The following PRUNE2 variants were observed in gnomAD, a reference collection of about 807,000 sequenced individuals.
PRUNE2 encodes protein prune homolog 2.
Under a neutral mutation model 252.0 loss-of-function variants are expected in PRUNE2, and 164 were observed. The ratio of observed to expected loss-of-function variants is 0.65; its 90% CI spans 0.57 to 0.74. The LOEUF (loss-of-function observed/expected upper bound fraction) is 0.74. Among genes scored for constraint, PRUNE2 ranks in the 30% least tolerant of loss-of-function variants. PRUNE2 has a pLI of 0.00. For missense variants in PRUNE2, 3,495 were observed against 3,711.0 expected (o/e 0.94, Z 1.51); for synonymous variants, 1,292 against 1,350.2 (o/e 0.96, Z 0.94).
intron 1 of PRUNE2, among the ~76,000 whole-genome samples, chr9:76,855,093 A>G (rs1321567890): frequency 6.9e-6 from 1 of 145,562 alleles, no homozygotes; most frequent in Non-Finnish European, 1.5e-5. Flanking sequence ...ATATATATAT[A>G]TATATATATA....
chr9:76,706,785 C>T lies in PRUNE2; in HGVS notation c.5489G>A (p.Trp1830Ter). ...LGFSADSTEW[W>*]KASPQEGRLI... ...TCTCCCTTCCTGGGGTGAGGCCTTC[C>T]ACCACTCAGTGCTATCAGCTGAGAA... The change falls in exon 8 of 19, where the codon TGG (tryptophan) becomes TAG (stop). Residue 1830 changes from tryptophan to a stop codon, truncating the protein, a stop_gained. Coordinates refer to ENST00000376718, the MANE Select transcript of PRUNE2 (RefSeq NM_015225.3). LOFTEE classifies it high-confidence loss of function. 6.2e-7 allele frequency: 1 copy of T among 1,610,430 alleles called. No homozygotes were observed.
chr9:76,701,002 T>C (rs534974169), intron 9 of PRUNE2, among the ~76,000 whole-genome samples: 2 of 152,384 alleles, frequency 1.3e-5, no homozygotes, highest in South Asian at 2.1e-4. Context: ...TTTTTACTTA[T>C]GTCTAACTCT....
At chr9:76,651,224 A>AC (rs946398980) in intron 11 of PRUNE2, among the ~76,000 whole-genome samples, 24 of 151,936 alleles carry the variant, frequency 1.6e-4, no homozygotes, top group African/African-American at 5.1e-4. Flanking sequence ...ATGGAAAAAA[A>AC]AAACTCTACT....
intron 9 of PRUNE2, among the ~76,000 whole-genome samples, chr9:76,683,925 T>C (rs760381051): frequency 2.3e-4 from 34 of 150,740 alleles, no homozygotes; most frequent in Non-Finnish European, 4.3e-4. Context: ...AAAATATATA[T>C]AGTATACATT....
intron 6 of PRUNE2, among the ~76,000 whole-genome samples, chr9:76,734,981 C>A (rs900460767): frequency 6.6e-6 from 1 of 152,098 alleles, no homozygotes; most frequent in African/African-American, 2.4e-5. Flanking sequence ...CACTGACAAA[C>A]AGAGGCAAGG....
Position 76,707,712 on chromosome 9 carries a change from C to T in PRUNE2, c.4562G>A (p.Ser1521Asn). The change falls in exon 8 of 19, where the codon AGC (serine) becomes AAC (asparagine). Residue 1521 changes from serine to asparagine, a missense_variant. Physicochemically the swap from Ser to Asn is conservative, Grantham distance 46. Transcript: ENST00000376718. ...TCCAGACGAACCGGCTCCTGGAAGG[C>T]TATTTTCAGACCCCTTAACGTCAAG... is the stretch of plus-strand genomic sequence containing the variant. ...KNLDVKGSEN[S>N]LPGAGSSGNF... The T allele has an allele frequency of 6.2e-7, 1 of 1,613,880 alleles. No individual in the cohort carries two copies. The highest frequency in any genetic ancestry group is 8.5e-7 in the Non-Finnish European group (1 of 1,179,862).
In PRUNE2 at chr9:76,612,534, T is replaced by C. The variant is rs188026588; in HGVS notation, c.*2036A>G. Reference sequence around the variant, plus strand: ...GGTAACTGTATTTACGTCAACACTGTGTTCTGGGAGAGGTGTAATTTGGGC... The same window carrying C: ...GGTAACTGTATTTACGTCAACACTGCGTTCTGGGAGAGGTGTAATTTGGGC... On this transcript the variant is annotated 3_prime_UTR_variant, in exon 19 of 19. Transcript: ENST00000376718. 3 of 152,052 alleles carry C rather than the reference T, an allele frequency of 2.0e-5. No individual in the cohort carries two copies. The highest frequency in any genetic ancestry group is 3.9e-4 in the East Asian group (2 of 5,182). 9.4% of individuals were successfully genotyped at this position (152,052 alleles called of 1,614,324 possible).
chr9:76,809,986 T>G (rs1055264979), intron 6 of PRUNE2, among the ~76,000 whole-genome samples: 22 of 152,170 alleles, frequency 1.4e-4, no homozygotes, highest in African/African-American at 5.3e-4. Context: ...AGAGCTTCAT[T>G]GTTTGGGCTT....
At chr9:76,642,627 T>C (rs961849929) in intron 12 of PRUNE2, among the ~76,000 whole-genome samples, 1 of 152,190 alleles carries the variant, frequency 6.6e-6, no homozygotes, top group African/African-American at 2.4e-5. Flanking sequence ...TGTGAAGTGA[T>C]TGCTGCTTTT....
At chr9:76,632,827 C>A (rs976388072) in intron 15 of PRUNE2, among the ~76,000 whole-genome samples, 46 of 152,332 alleles carry the variant, frequency 3.0e-4, no homozygotes, top group African/African-American at 1.1e-3. Context: ...TCCTGAGTAG[C>A]TGGAATTATA....
At chr9:76,699,638 G>A (rs1423262879) in intron 9 of PRUNE2, among the ~76,000 whole-genome samples, 3 of 152,156 alleles carry the variant, frequency 2.0e-5, no homozygotes, top group Non-Finnish European at 4.4e-5. Context: ...CTGCCAGCTT[G>A]CCCTATAGAC....
chr9:76,899,984 T>G (rs1216385057), intron 1 of PRUNE2, among the ~76,000 whole-genome samples: 1 of 152,090 alleles, frequency 6.6e-6, no homozygotes, highest in African/African-American at 2.4e-5. Flanking sequence ...AGGAAAGGTG[T>G]GAAAGATGCT....
chr9:76,875,152 G>A (rs1007397744), intron 1 of PRUNE2, among the ~76,000 whole-genome samples: 1 of 151,842 alleles, frequency 6.6e-6, no homozygotes, highest in Non-Finnish European at 1.5e-5. Flanking sequence ...CTACCTAGAC[G>A]TCCCTTCCCC....
At position 76,705,573 on chromosome 9, in the gene PRUNE2, C is replaced by T. The variant is rs887129397; in HGVS notation, c.6701G>A (p.Ser2234Asn). Residue 2234 changes from serine (S) to asparagine (N), a missense_variant, in exon 8 of 19, where the codon AGC (serine) becomes AAC (asparagine). Ser to Asn is a conservative substitution (Grantham distance 46). Transcript: ENST00000376718. ...RIPRIENVAT[S>N]IFVTHQEPTP... ...TGGCTCTTGGTGAGTTACAAAAATG[C>T]TAGTTGCCACATTTTCAATCCTTGG... 3.7e-6 allele frequency: 6 copies of T among 1,614,044 alleles called. No individual in the cohort carries two copies. The East Asian group carries it at 8.9e-5, about 24-fold the overall frequency.
chr9:76,689,244 A>G (rs2044447270), intron 9 of PRUNE2, among the ~76,000 whole-genome samples: 1 of 152,178 alleles, frequency 6.6e-6, no homozygotes, highest in Non-Finnish European at 1.5e-5. Flanking sequence ...ATTTTCCCCA[A>G]ATGCATATGA....
At chr9:76,846,452 T>G in intron 4 of PRUNE2, 63 bp downstream of exon 4, 1 of 1,404,082 alleles carries the variant, frequency 7.1e-7, no homozygotes, top group Non-Finnish European at 9.7e-7. Flanking sequence ...TCTTTCTACA[T>G]GAGCAGGCTG....
intron 6 of PRUNE2, among the ~76,000 whole-genome samples, chr9:76,780,646 G>GC (rs1452287252): frequency 6.6e-6 from 1 of 152,136 alleles, no homozygotes; most frequent in Non-Finnish European, 1.5e-5. Flanking sequence ...AGCTGAGATC[G>GC]CCCCACTGCA....
chr9:76,632,879 T>G (rs983451304), intron 15 of PRUNE2, among the ~76,000 whole-genome samples: 1 of 152,232 alleles, frequency 6.6e-6, no homozygotes, highest in Admixed American at 6.5e-5. Context: ...GAGTGAAGGA[T>G]GATTTCTATG....
intron 6 of PRUNE2, among the ~76,000 whole-genome samples, chr9:76,741,583 G>A (rs1480500271): frequency 6.6e-6 from 1 of 152,156 alleles, no homozygotes; most frequent in Non-Finnish European, 1.5e-5. Context: ...TATGGGCCAG[G>A]ACATATGGCC....
Sources: allele counts gnomAD v4.1 joint callset (sites outside exome capture counted in the v4.1 genomes callset), GRCh38; gene constraint gnomAD v4.1.1; transcripts MANE v1.5; gene names NCBI Gene and HGNC (gene_info 2026-07-23, HGNC 2026-07-21).